Variants in VSIG1 observed in about 807,000 individuals in gnomAD.
The protein encoded by VSIG1 is V-set and immunoglobulin domain-containing protein 1.
In VSIG1, 11 loss-of-function variants were observed where a neutral mutation model predicts 20.1. The ratio of observed to expected loss-of-function variants is 0.55; its 90% CI spans 0.34 to 0.91. VSIG1 has a LOEUF of 0.91. Among genes scored for constraint, VSIG1 ranks in the 40% least tolerant of loss-of-function variants. VSIG1 has a pLI of 0.02. For synonymous variants in VSIG1, 126 were observed against 116.7 expected (o/e 1.08, Z -0.52); for missense variants, 283 against 298.8 (o/e 0.95, Z 0.39).
At chrX:108,031,921 G>A in the VSIG1 span, among the ~76,000 whole-genome samples, 1 of 112,059 alleles carries the variant, frequency 8.9e-6, no homozygotes, top group Admixed American at 9.5e-5. Flanking sequence ...CCTCTGCTTC[G>A]TTTCCAGCCT....
the VSIG1 span, among the ~76,000 whole-genome samples, chrX:108,024,987 G>A: frequency 3.6e-5 from 4 of 111,215 alleles, no homozygotes; most frequent in South Asian, 1.1e-3. Flanking sequence ...TGTTGTTTAC[G>A]TCTTCTGTTT....
chrX:108,019,411 C>T, the VSIG1 span, among the ~76,000 whole-genome samples: 22 of 112,596 alleles, frequency 2.0e-4, no homozygotes, highest in Admixed American at 1.8e-3. Context: ...CTTTTGTATG[C>T]ATGGGCAGGG....
intron 4 of VSIG1, 107 bp downstream of exon 4, chrX:108,072,939 T>G: frequency 1.1e-6 from 1 of 869,735 alleles, no homozygotes; most frequent in Non-Finnish European, 1.6e-6. Flanking sequence ...CTTCTTGTTT[T>G]CTCAGTGGTG....
At position 108,077,395 on chromosome X, in the gene VSIG1, G is replaced by A. The variant is rs750969098; in HGVS notation, c.*14G>A. The A allele has an allele frequency of 1.7e-6, 2 of 1,195,891 alleles. No individual in the cohort carries two copies. The highest frequency in any genetic ancestry group is 3.0e-5 in the East Asian group (1 of 33,631). On this transcript the variant is annotated 3_prime_UTR_variant, in exon 7 of 7. Transcript: ENST00000217957. ...GTTAAGGCATAGGCTGGTGGCCTAAGTACAGCATTAATCATTAAGGAACCC... is the reference window on the plus strand; with the variant it reads ...GTTAAGGCATAGGCTGGTGGCCTAAATACAGCATTAATCATTAAGGAACCC...
the VSIG1 span, among the ~76,000 whole-genome samples, chrX:108,024,304 C>A: frequency 9.1e-6 from 1 of 110,303 alleles, no homozygotes; most frequent in Non-Finnish European, 1.9e-5. Flanking sequence ...GTCCTGAGTC[C>A]GACTCTTGAT....
At chrX:108,070,887 A>G (rs1207160529) in intron 3 of VSIG1, among the ~76,000 whole-genome samples, 1 of 112,325 alleles carries the variant, frequency 8.9e-6, no homozygotes, top group Non-Finnish European at 1.9e-5. Context: ...ACCTGTGTAC[A>G]GATAGTGAGA....
At chrX:108,049,643 C>CA (rs1209557343) in intron 1 of VSIG1, among the ~76,000 whole-genome samples, 6 of 112,074 alleles carry the variant, frequency 5.4e-5, no homozygotes, top group Non-Finnish European at 9.4e-5. Context: ...TACTGGGTCC[C>CA]AAACTAGAGA....
intron 1 of VSIG1, among the ~76,000 whole-genome samples, chrX:108,049,102 G>A (rs1306324384): frequency 8.9e-6 from 1 of 112,052 alleles, no homozygotes; most frequent in Admixed American, 9.5e-5. Flanking sequence ...AAAATGGCCT[G>A]GAGGTTTTGC....
At chrX:108,060,165 C>G (rs1194066849) in intron 2 of VSIG1, among the ~76,000 whole-genome samples, 1 of 111,988 alleles carries the variant, frequency 8.9e-6, no homozygotes, top group Non-Finnish European at 1.9e-5. Flanking sequence ...AATCTGTTAA[C>G]AAATAAATAT....
chrX:108,044,958 T>C, upstream of VSIG1: 1 of 318,108 alleles, frequency 3.1e-6, no homozygotes, highest in East Asian at 4.6e-5. Context: ...GAAACACAAA[T>C]CTGTACTGAA....
rs1307680952 is a variant in VSIG1 at position 108,066,988 on chromosome X, G to A, written c.266G>A (p.Arg89Gln). The A allele has an allele frequency of 8.3e-7, 1 of 1,210,965 alleles. No homozygotes were observed. The highest frequency in any genetic ancestry group is 1.8e-5 in the South Asian group (1 of 56,943). ...QAVAIGQFKD[R>Q]ITGSNDPGNA... ...GTAGCCATCGGGCAATTTAAAGATCGAATTACAGGGTCCAACGATCCAGGT... is the reference window on the plus strand; with the variant it reads ...GTAGCCATCGGGCAATTTAAAGATCAAATTACAGGGTCCAACGATCCAGGT... Residue 89 changes from arginine (R) to glutamine (Q), a missense_variant, in exon 3 of 7, where the codon CGA becomes CAA. Physicochemically the swap from Arg to Gln is conservative, Grantham distance 43. Transcript: ENST00000217957.
Position 108,077,420 on chromosome X carries a change from C to G in VSIG1, c.*39C>G. On this transcript the variant is annotated 3_prime_UTR_variant, in exon 7 of 7. Coordinates refer to ENST00000217957, the MANE Select transcript of VSIG1 (RefSeq NM_182607.5). ...GTACAGCATTAATCATTAAGGAACC[C>G]ATTACTGCCATTTGGAATTCAAATA... The G allele has an allele frequency of 8.7e-7, 1 of 1,152,553 alleles. No individual in the cohort carries two copies. The highest frequency in any genetic ancestry group is 1.2e-6 in the Non-Finnish European group (1 of 861,433). 95.0% of individuals were successfully genotyped at this position (1,152,553 alleles called of 1,213,427 possible). A position where few individuals can be genotyped will look rare whatever the true frequency, so the allele number is the denominator to read the frequency against.
At chrX:108,036,111 C>A in the VSIG1 span, among the ~76,000 whole-genome samples, 1 of 100,261 alleles carries the variant, frequency 1.0e-5, no homozygotes, top group Admixed American at 1.1e-4. Context: ...GTCACAGGTA[C>A]CATTAATCAG....
chrX:108,047,891 C>T (rs181311250), intron 1 of VSIG1, among the ~76,000 whole-genome samples: 3,494 of 20,955 alleles, frequency 0.17, 594 homozygotes, highest in Non-Finnish European at 0.21. Context: ...TATATACACA[C>T]ATATATATAT....
chrX:108,020,297 C>T, the VSIG1 span, among the ~76,000 whole-genome samples: 3 of 111,148 alleles, frequency 2.7e-5, no homozygotes, highest in Admixed American at 9.6e-5. Flanking sequence ...TATTGGAAGC[C>T]GCTAATAAAT....
chrX:108,047,949 TATATAC>T (rs1341638649), intron 1 of VSIG1, among the ~76,000 whole-genome samples: 22 of 28,563 alleles, frequency 7.7e-4, no homozygotes, highest in Admixed American at 9.4e-4. Flanking sequence ...TATATATATA[TATATAC>T]ACACACATAT....
the VSIG1 span, among the ~76,000 whole-genome samples, chrX:108,024,878 T>C: frequency 3.6e-5 from 4 of 111,811 alleles, no homozygotes; most frequent in African/African-American, 9.7e-5. Context: ...ATGTGACTTA[T>C]CTTGGAGAAT....
chrX:108,045,213 T>C (rs372615782), intron 1 of VSIG1, 34 bp downstream of exon 1: 1 of 1,123,791 alleles, frequency 8.9e-7, no homozygotes, highest in African/African-American at 1.8e-5. Context: ...CCAAATATAA[T>C]TGGAAACAGA....
intron 1 of VSIG1, among the ~76,000 whole-genome samples, chrX:108,057,456 G>A (rs2030923932): frequency 8.9e-6 from 1 of 112,376 alleles, no homozygotes; most frequent in African/African-American, 3.2e-5. Flanking sequence ...TCAGTATCCT[G>A]GTTGTGATAT....
Sources: allele counts gnomAD v4.1 joint callset (sites outside exome capture counted in the v4.1 genomes callset), GRCh38; gene constraint gnomAD v4.1.1; transcripts MANE v1.5; gene names NCBI Gene and HGNC (gene_info 2026-07-23, HGNC 2026-07-21).